The following DIP2B variants were observed in gnomAD, a reference collection of about 807,000 sequenced individuals.
DIP2B encodes disco-interacting protein 2 homolog B.
In DIP2B, 76 loss-of-function variants were observed where a neutral mutation model predicts 198.0. The ratio of observed to expected loss-of-function variants is 0.38; its 90% CI spans 0.32 to 0.46. DIP2B has a LOEUF of 0.46. Ranked by LOEUF, DIP2B falls within the 20% of genes least tolerant of loss-of-function variation. The pLI is 0.99. For missense variants in DIP2B, 1,559 were observed against 1,978.4 expected, an observed-to-expected ratio of 0.79 and a Z score of 4.02; for synonymous variants, 701 against 739.1, an observed-to-expected ratio of 0.95 and a Z score of 0.84.
chr12:50,661,681 G>T (rs1412481721), intron 4 of DIP2B, among the ~76,000 whole-genome samples: 1 of 152,166 alleles, frequency 6.6e-6, no homozygotes, highest in Non-Finnish European at 1.5e-5. Flanking sequence ...TACAGCACAA[G>T]TTGGGTCCTC....
Position 50,573,079 on chromosome 12 carries a change from C to G in DIP2B, c.101-52897C>G, listed in dbSNP as rs576974181. Among the ~76,000 whole-genome samples, 19 of 152,326 alleles carry G rather than the reference C, an allele frequency of 1.2e-4. 1 individual carries two copies. Among genetic ancestry groups the G allele is most frequent in the African/African-American group, 4.1e-4 (17 of 41,572 alleles). On this transcript the variant is annotated intron_variant, in intron 1 of 37. Coordinates refer to ENST00000301180, the MANE Select transcript of DIP2B (RefSeq NM_173602.3). ...AGCCGCAGAGGGTGTTCTGTGTTTC[C>G]ATTCCAGCTGAACTAAATGGTTAAG... is the stretch of plus-strand genomic sequence containing the variant.
intron 1 of DIP2B, among the ~76,000 whole-genome samples, chr12:50,598,157 C>A (rs1958894413): frequency 6.6e-6 from 1 of 152,158 alleles, no homozygotes; most frequent in Non-Finnish European, 1.5e-5. Flanking sequence ...AGGACTTTTT[C>A]TCTTTCCTTT....
chr12:50,550,149 T>A (rs11832315), intron 1 of DIP2B, among the ~76,000 whole-genome samples: 3 of 152,000 alleles, frequency 2.0e-5, no homozygotes, highest in Non-Finnish European at 4.4e-5. Flanking sequence ...CTGTGAATTT[T>A]GCTTTTTGGA....
intron 3 of DIP2B, among the ~76,000 whole-genome samples, chr12:50,643,177 T>C (rs1938289192): frequency 6.6e-6 from 1 of 152,140 alleles, no homozygotes; most frequent in South Asian, 2.1e-4. Context: ...GTAAAAAAGT[T>C]TTTTGTGAGC....
intron 1 of DIP2B, among the ~76,000 whole-genome samples, chr12:50,559,743 A>ACACACACACACACACACG (rs1263583637): frequency 6.6e-6 from 1 of 151,666 alleles, no homozygotes; most frequent in East Asian, 1.9e-4. Context: ...ACACACACAC[A>ACACACACACACACACACG]CAATTTCTAG....
intron 1 of DIP2B, among the ~76,000 whole-genome samples, chr12:50,544,101 G>A (rs766320748): frequency 6.6e-6 from 1 of 150,882 alleles, no homozygotes; most frequent in African/African-American, 2.4e-5. Flanking sequence ...GGTGGTTCGC[G>A]CCTGTAGTCC....
intron 2 of DIP2B, 51 bp from the exon 3 acceptor site, chr12:50,640,673 T>C: frequency 6.3e-7 from 1 of 1,598,398 alleles, no homozygotes; most frequent in South Asian, 1.1e-5. Context: ...CTTTAGAAAA[T>C]GTTAGCTATT....
chr12:50,707,300 A>C (rs1424462048), intron 21 of DIP2B, among the ~76,000 whole-genome samples: 1 of 152,238 alleles, frequency 6.6e-6, no homozygotes, highest in Non-Finnish European at 1.5e-5. Context: ...TTAGTGAAAC[A>C]GTTTCTGAAA....
At chr12:50,636,453 G>A (rs780041228) in intron 2 of DIP2B, among the ~76,000 whole-genome samples, 5 of 152,114 alleles carry the variant, frequency 3.3e-5, no homozygotes, top group African/African-American at 9.7e-5. Context: ...ATCTGCCCCC[G>A]TATATCTCAT....
chr12:50,698,343 A>G lies in DIP2B; in HGVS notation c.2064A>G (p.Gly688=). 6.2e-7 allele frequency: 1 copy of G among 1,613,172 alleles called. No individual in the cohort carries two copies. The highest frequency in any genetic ancestry group is 8.5e-7 in the Non-Finnish European group (1 of 1,179,538). Residue 688 remains glycine, a synonymous_variant, in exon 18 of 38, where the codon GGA becomes GGG. Coordinates refer to ENST00000301180, the MANE Select transcript of DIP2B (RefSeq NM_173602.3). ...TTCTTTTCAGGCCTGGAGTTCCAGG[A>G]GCCCCTTTGCCAGGAAGAGCCATTC... The part of the protein sequence containing the change: ...TVAIRRPGVP[G]APLPGRAILS...
chr12:50,691,263 C>T, intron 13 of DIP2B, 112 bp downstream of exon 13: 2 of 930,994 alleles, frequency 2.1e-6, no homozygotes, highest in Non-Finnish European at 3.2e-6. Context: ...AGTGAAATGT[C>T]CCAAGACACA....
At chr12:50,645,878 C>T (rs184609482) in intron 3 of DIP2B, among the ~76,000 whole-genome samples, 112 of 152,020 alleles carry the variant, frequency 7.4e-4, no homozygotes, top group Non-Finnish European at 1.1e-3. Context: ...GTAATATAAA[C>T]ATATGCTACT....
intron 4 of DIP2B, among the ~76,000 whole-genome samples, chr12:50,667,341 G>A (rs1200427317): frequency 6.6e-6 from 1 of 152,142 alleles, no homozygotes; most frequent in African/African-American, 2.4e-5. Context: ...AGAGCTTAGG[G>A]AAGATGTTTT....
At chr12:50,515,645 TTCTC>T (rs1344893197) in intron 1 of DIP2B, among the ~76,000 whole-genome samples, 2 of 152,190 alleles carry the variant, frequency 1.3e-5, no homozygotes, top group Non-Finnish European at 2.9e-5. Context: ...TACTCTTTCT[TTCTC>T]CTGATGAGGG....
chr12:50,671,368 C>G lies in DIP2B; in HGVS notation c.610C>G (p.Leu204Val). ...AGAGGTCAAAGGAACCAGTGGGTCT[C>G]TAGCTGATGTATTTGCCAATACTCG... ...HGEVKGTSGSLADVFANTRIE... is the reference protein window; with the variant it reads ...HGEVKGTSGSVADVFANTRIE... Residue 204 changes from leucine (L) to valine (V), a missense_variant, in exon 5 of 38, where the codon CTA becomes GTA. Physicochemically the swap from Leu to Val is conservative, Grantham distance 32. Coordinates refer to ENST00000301180, the MANE Select transcript of DIP2B (RefSeq NM_173602.3). The G allele has an allele frequency of 1.2e-6, 2 of 1,614,148 alleles. No individual in the cohort carries two copies. The highest frequency in any genetic ancestry group is 1.7e-5 in the Admixed American group (1 of 60,022).
chr12:50,543,400 C>T (rs1455443535), intron 1 of DIP2B, among the ~76,000 whole-genome samples: 4 of 151,956 alleles, frequency 2.6e-5, no homozygotes, highest in Non-Finnish European at 5.9e-5. Context: ...AGCAATTCTC[C>T]TGCCTCAGCC....
intron 1 of DIP2B, among the ~76,000 whole-genome samples, chr12:50,613,178 A>G (rs1384796905): frequency 6.6e-6 from 1 of 152,184 alleles, no homozygotes; most frequent in Non-Finnish European, 1.5e-5. Context: ...TGTCTCTCAC[A>G]GTGTTGTGTC....
chr12:50,544,754 A>G (rs1214155567), intron 1 of DIP2B, among the ~76,000 whole-genome samples: 1 of 151,052 alleles, frequency 6.6e-6, no homozygotes, highest in East Asian at 1.9e-4. Flanking sequence ...AGTAGTTGGG[A>G]CTACAGGTGC....
chr12:50,612,875 C>T (rs947750064), intron 1 of DIP2B, among the ~76,000 whole-genome samples: 15 of 152,148 alleles, frequency 9.9e-5, no homozygotes, highest in African/African-American at 3.4e-4. Flanking sequence ...ATCCTCTTTT[C>T]CTGTTACACC....
Sources: allele counts gnomAD v4.1 joint callset (sites outside exome capture counted in the v4.1 genomes callset), GRCh38; gene constraint gnomAD v4.1.1; transcripts MANE v1.5; gene names NCBI Gene and HGNC (gene_info 2026-07-23, HGNC 2026-07-21).